Variants in RNF157 observed in about 807,000 individuals in gnomAD.
RNF157 encodes ring finger protein 157.
In RNF157, 55 loss-of-function variants were observed where a neutral mutation model predicts 88.3. The observed-to-expected ratio is 0.62, with a 90% CI of 0.50 to 0.78. The LOEUF (loss-of-function observed/expected upper bound fraction) is 0.78. Ranked by LOEUF, RNF157 falls within the 30% of genes least tolerant of loss-of-function variation. RNF157 has a pLI of 0.00. For missense variants in RNF157, 788 were observed against 860.8 expected, an observed-to-expected ratio of 0.92 and a Z score of 1.06; for synonymous variants, 334 against 341.2, an observed-to-expected ratio of 0.98 and a Z score of 0.23.
chr17:76,225,882 C>A, intron 1 of RNF157: 2 of 1,613,532 alleles, frequency 1.2e-6, no homozygotes, highest in Admixed American at 3.3e-5. Flanking sequence ...TCTTTGCACT[C>A]GCCAGTGAGA....
intron 3 of RNF157, 32 bp from the exon 4 acceptor site, chr17:76,167,829 T>A: frequency 8.2e-6 from 13 of 1,590,512 alleles, no homozygotes; most frequent in Non-Finnish European, 1.1e-5. Flanking sequence ...ATTTGCAGAG[T>A]AGCATATCAA....
At chr17:76,235,090 A>T (rs2070258701) in intron 1 of RNF157, among the ~76,000 whole-genome samples, 1 of 152,198 alleles carries the variant, frequency 6.6e-6, no homozygotes, top group Non-Finnish European at 1.5e-5. Flanking sequence ...TAACTTTTAA[A>T]ATAGGGTAGC....
chr17:76,166,357 A>G, intron 6 of RNF157, 104 bp downstream of exon 6: 1 of 922,970 alleles, frequency 1.1e-6, no homozygotes, highest in Non-Finnish European at 1.8e-6. Context: ...CACAGTCACA[A>G]ACACCCACAA....
intron 1 of RNF157, among the ~76,000 whole-genome samples, chr17:76,230,621 C>A (rs1157119046): frequency 6.6e-6 from 1 of 151,908 alleles, no homozygotes; most frequent in Non-Finnish European, 1.5e-5. Flanking sequence ...GGGTGGATCA[C>A]GAGGTCAGGA....
At chr17:76,184,213 G>C (rs1242203767) in intron 2 of RNF157, among the ~76,000 whole-genome samples, 3 of 143,314 alleles carry the variant, frequency 2.1e-5, no homozygotes, top group Non-Finnish European at 4.6e-5. Context: ...AAAAAGCAAA[G>C]TACACATTTT....
chr17:76,167,920 C>T (rs1335122241), intron 3 of RNF157, 123 bp from the exon 4 acceptor site: 2 of 936,416 alleles, frequency 2.1e-6, no homozygotes, highest in Non-Finnish European at 1.6e-6. Context: ...TCTACCTCTT[C>T]ATTCTGAATG....
Position 76,167,079 on chromosome 17 carries a change from T to C in RNF157, c.491A>G (p.Lys164Arg), listed in dbSNP as rs750951948. Residue 164 changes from lysine (K) to arginine (R), a missense_variant, in exon 5 of 19, where the codon AAG becomes AGG. Coordinates refer to ENST00000269391, the MANE Select transcript of RNF157 (RefSeq NM_052916.3). ...GCAGAACTGCTGACACACTCCTCGCTTGTACTGCACAGTCTCCGACTGGAG... is the reference window on the plus strand; with the variant it reads ...GCAGAACTGCTGACACACTCCTCGCCTGTACTGCACAGTCTCCGACTGGAG... ...NSLQSETVQY[K>R]RGVCQQFCLP... is the part of the protein sequence containing the mutation. The C allele has an allele frequency of 9.9e-6, 16 of 1,613,236 alleles. No homozygotes were observed. Among genetic ancestry groups the C allele is most frequent in the Admixed American group, 5.0e-5 (3 of 59,880 alleles).
chr17:76,194,759 T>A (rs556350792), intron 2 of RNF157, among the ~76,000 whole-genome samples: 1 of 152,278 alleles, frequency 6.6e-6, no homozygotes, highest in Non-Finnish European at 1.5e-5. Context: ...CTCACACCTG[T>A]AATCCCAGCA....
intron 13 of RNF157, 98 bp from the exon 14 acceptor site, chr17:76,156,419 G>A: frequency 1.3e-6 from 2 of 1,554,716 alleles, no homozygotes; most frequent in Non-Finnish European, 1.7e-6. Context: ...GAGATGAGGA[G>A]GAAAGGCGAC....
Position 76,173,788 on chromosome 17 carries a change from A to C in RNF157, c.210T>G (p.Phe70Leu). 1.2e-6 allele frequency: 2 copies of C among 1,607,472 alleles called. No homozygotes were observed. Among genetic ancestry groups the C allele is most frequent in the South Asian group, 1.1e-5 (1 of 90,066 alleles). Residue 70 changes from phenylalanine to leucine, a missense_variant and splice_region_variant, in exon 3 of 19, where the codon TTT (phenylalanine) becomes TTG (leucine). Physicochemically the swap from Phe to Leu is conservative, Grantham distance 22. Transcript: ENST00000269391. ...LNFLGNRPVV[F>L]PYAAPPPQEP... ...CTTGGGGAGGTGGGGCGGCGTAAGG[A>C]AACTGTGTCAGAAACAAAGCAGGAG... is the stretch of plus-strand genomic sequence containing the variant.
At position 76,162,754 on chromosome 17, in the gene RNF157, C is replaced by T. The variant is rs1302066989; in HGVS notation, c.721-131G>A. The T allele has an allele frequency of 7.3e-6, 4 of 548,848 alleles. No homozygotes were observed. In the African/African-American group the frequency reaches 7.9e-5, roughly 11 times the overall value. The allele number at this position is 548,848 out of a possible 1,614,324, so 34.0% of individuals were successfully genotyped here. On this transcript the variant is annotated intron_variant, in intron 8 of 18. Transcript: ENST00000269391. ...CATAATGAGAAAAAAAATCAAAGGCCTGGATAAGTAAAAGATGCTTTTATT... is the reference window on the plus strand; with the variant it reads ...CATAATGAGAAAAAAAATCAAAGGCTTGGATAAGTAAAAGATGCTTTTATT...
chr17:76,169,359 TTC>T (rs1400661244), intron 3 of RNF157, among the ~76,000 whole-genome samples: 1 of 151,354 alleles, frequency 6.6e-6, no homozygotes, highest in Non-Finnish European at 1.5e-5. Flanking sequence ...AAAAGATAAC[TTC>T]TCTCATGTCT....
At chr17:76,209,994 G>A (rs1028137732) in intron 2 of RNF157, among the ~76,000 whole-genome samples, 1 of 152,038 alleles carries the variant, frequency 6.6e-6, no homozygotes, top group Admixed American at 6.6e-5. Flanking sequence ...TCTTGACCTT[G>A]TGATCCGCCC....
chr17:76,149,816 C>T (rs1342179522), intron 18 of RNF157, among the ~76,000 whole-genome samples: 3 of 152,116 alleles, frequency 2.0e-5, no homozygotes, highest in Non-Finnish European at 4.4e-5. Flanking sequence ...GGCAGATCAC[C>T]TGAGGTCAGG....
chr17:76,239,740 C>T (rs896247960), intron 1 of RNF157, among the ~76,000 whole-genome samples: 1 of 152,168 alleles, frequency 6.6e-6, no homozygotes, highest in African/African-American at 2.4e-5. Context: ...GCCTCCCTCG[C>T]GGCCCTCGGA....
chr17:76,203,734 G>T (rs892776788), intron 2 of RNF157, among the ~76,000 whole-genome samples: 1 of 147,408 alleles, frequency 6.8e-6, no homozygotes, highest in Non-Finnish European at 1.5e-5. Flanking sequence ...TTACAAGCAT[G>T]ACCCACCACG....
At position 76,145,287 on chromosome 17, in the gene RNF157, C is replaced by A. The variant is rs1338715988; in HGVS notation, c.1988G>T (p.Ser663Ile). ...NAQRRRLSSS[S>I]LEDSETRPCV... is the part of the protein sequence containing the mutation. ...GGGCCTCGTCTCAGAGTCCTCCAGG[C>A]TGCTGGATGACAAGCGCCGGCGCTG... The change falls in exon 19 of 19, where the codon AGC (serine) becomes ATC (isoleucine). Residue 663 changes from serine to isoleucine, a missense_variant. Coordinates refer to ENST00000269391, the MANE Select transcript of RNF157 (RefSeq NM_052916.3). 3.1e-6 allele frequency: 5 copies of A among 1,610,366 alleles called. No homozygotes were observed. The Admixed American group carries it at 6.7e-5, about 22-fold the overall frequency.
intron 2 of RNF157, among the ~76,000 whole-genome samples, chr17:76,199,105 G>A (rs2069527560): frequency 6.6e-6 from 1 of 152,224 alleles, no homozygotes; most frequent in African/African-American, 2.4e-5. Context: ...ATGAAGGAGT[G>A]AGCCAGTTAG....
intron 2 of RNF157, among the ~76,000 whole-genome samples, chr17:76,207,258 A>G (rs1206659511): frequency 6.6e-6 from 1 of 152,142 alleles, no homozygotes; most frequent in Non-Finnish European, 1.5e-5. Flanking sequence ...TGTCTCTACA[A>G]AAAAAATTTT....
Sources: allele counts gnomAD v4.1 joint callset (sites outside exome capture counted in the v4.1 genomes callset), GRCh38; gene constraint gnomAD v4.1.1; transcripts MANE v1.5; gene names NCBI Gene and HGNC (gene_info 2026-07-23, HGNC 2026-07-21).